TMEM117: variants seen among roughly 807,000 people sequenced by gnomAD.
TMEM117 encodes transmembrane protein 117.
In TMEM117, 27 loss-of-function variants were observed where a neutral mutation model predicts 52.4. That is an observed-to-expected ratio of 0.51 (90% CI 0.38 to 0.71). The LOEUF is 0.71. Among genes scored for constraint, TMEM117 ranks in the 30% least tolerant of loss-of-function variants. The pLI is 0.00. For synonymous variants in TMEM117, 215 were observed against 206.3 expected, an observed-to-expected ratio of 1.04 and a Z score of -0.36; for missense variants, 556 against 630.5, an observed-to-expected ratio of 0.88 and a Z score of 1.26.
At chr12:44,382,488 G>T (rs1013035130) in intron 7 of TMEM117, among the ~76,000 whole-genome samples, 1 of 152,074 alleles carries the variant, frequency 6.6e-6, no homozygotes, top group Non-Finnish European at 1.5e-5. Flanking sequence ...TTTACAAGTT[G>T]GTTAACAGAT....
intron 2 of TMEM117, among the ~76,000 whole-genome samples, chr12:43,864,903 G>A (rs1183719039): frequency 6.6e-6 from 1 of 152,066 alleles, no homozygotes; most frequent in Non-Finnish European, 1.5e-5. Context: ...TCACCACAAA[G>A]GTCTGCAGCT....
At chr12:43,848,468 T>C (rs1305919058) in intron 2 of TMEM117, among the ~76,000 whole-genome samples, 2 of 152,166 alleles carry the variant, frequency 1.3e-5, no homozygotes, top group African/African-American at 2.4e-5. Flanking sequence ...AGGAAAAGCA[T>C]TTAACGATAT....
At chr12:43,914,079 CAGG>C (rs140663710) in intron 2 of TMEM117, among the ~76,000 whole-genome samples, 124 of 152,210 alleles carry the variant, frequency 8.1e-4, no homozygotes, top group African/African-American at 2.2e-3. Flanking sequence ...CAAAGTATCA[CAGG>C]AGAAGTCTTT....
intron 3 of TMEM117, among the ~76,000 whole-genome samples, chr12:44,136,952 T>G (rs1486731640): frequency 6.6e-6 from 1 of 152,152 alleles, no homozygotes; most frequent in Non-Finnish European, 1.5e-5. Flanking sequence ...GTATTGCAAA[T>G]CCTTGTTTTT....
rs1944870035 is a variant in TMEM117 at position 43,931,490 on chromosome 12, T to C, written c.278-12720T>C. ...AAAGAAGAGCCCGGGAATGATACTG[T>C]TGATATAGTTAGTAACAATGATATC... is the stretch of plus-strand genomic sequence containing the variant. On this transcript the variant is annotated intron_variant, in intron 2 of 7. Transcript: ENST00000266534. 3.3e-5 allele frequency among the ~76,000 whole-genome samples: 5 copies of C among 152,328 alleles called. No individual in the cohort carries two copies. In the South Asian group the frequency reaches 1.0e-3, roughly 32 times the overall value.
intron 3 of TMEM117, among the ~76,000 whole-genome samples, chr12:44,047,189 T>C (rs1027131417): frequency 2.0e-5 from 3 of 152,166 alleles, no homozygotes; most frequent in African/African-American, 7.2e-5. Flanking sequence ...ACTAATATAG[T>C]TATATTAGAT....
intron 3 of TMEM117, among the ~76,000 whole-genome samples, chr12:44,045,997 G>A (rs764887793): frequency 5.3e-5 from 8 of 152,186 alleles, no homozygotes; most frequent in Admixed American, 1.3e-4. Context: ...ACTAGGTGAC[G>A]ATAATTTGCA....
intron 4 of TMEM117, among the ~76,000 whole-genome samples, chr12:44,174,619 A>T (rs557638067): frequency 1.3e-5 from 2 of 152,320 alleles, no homozygotes; most frequent in South Asian, 2.1e-4. Flanking sequence ...TCTTTTATTC[A>T]ACAAAAACAT....
chr12:44,300,657 T>G (rs1442717209), intron 6 of TMEM117, among the ~76,000 whole-genome samples: 1 of 152,230 alleles, frequency 6.6e-6, no homozygotes, highest in African/African-American at 2.4e-5. Context: ...TTAAATTTGT[T>G]AAATAATATA....
chr12:44,283,647 G>A (rs539990021), intron 5 of TMEM117, among the ~76,000 whole-genome samples: 66 of 152,212 alleles, frequency 4.3e-4, no homozygotes, highest in African/African-American at 1.5e-3. Context: ...GCTCATAGAC[G>A]GAAGGGACTT....
At chr12:43,808,227 ATC>A in the TMEM117 span, among the ~76,000 whole-genome samples, 1 of 152,210 alleles carries the variant, frequency 6.6e-6, no homozygotes, top group Non-Finnish European at 1.5e-5. Context: ...TCCAAATAAG[ATC>A]TCTCTGCTTG....
At chr12:43,802,516 G>A in the TMEM117 span, 5 of 1,331,210 alleles carry the variant, frequency 3.8e-6, no homozygotes, top group Non-Finnish European at 5.3e-6. Context: ...GATATCAAGT[G>A]GTAGTGTGAT....
chr12:43,803,832 C>T, the TMEM117 span, among the ~76,000 whole-genome samples: 6 of 151,932 alleles, frequency 3.9e-5, no homozygotes, highest in African/African-American at 1.2e-4. Context: ...TTTTCCAAAG[C>T]AAAATATTTT....
intron 3 of TMEM117, among the ~76,000 whole-genome samples, chr12:44,125,593 G>A (rs1250318648): frequency 1.3e-5 from 2 of 151,964 alleles, no homozygotes; most frequent in South Asian, 2.1e-4. Flanking sequence ...GTATTTATTT[G>A]AATCTTCTCT....
chr12:43,868,992 A>G (rs1176842417), intron 2 of TMEM117, among the ~76,000 whole-genome samples: 1 of 152,190 alleles, frequency 6.6e-6, no homozygotes, highest in African/African-American at 2.4e-5. Flanking sequence ...CAAATTACCA[A>G]TGTCAAGAAT....
intron 3 of TMEM117, among the ~76,000 whole-genome samples, chr12:44,018,874 C>T (rs1350122703): frequency 6.6e-6 from 1 of 152,034 alleles, no homozygotes; most frequent in East Asian, 1.9e-4. Flanking sequence ...CACACACCAC[C>T]ACACCTAGCT....
At chr12:44,201,153 A>C (rs753587021) in intron 4 of TMEM117, among the ~76,000 whole-genome samples, 2 of 152,204 alleles carry the variant, frequency 1.3e-5, no homozygotes, top group African/African-American at 2.4e-5. Flanking sequence ...AAGCAATGGC[A>C]TAAGAATTCA....
intron 3 of TMEM117, among the ~76,000 whole-genome samples, chr12:43,998,864 AAGAT>A (rs1946072742): frequency 1.3e-5 from 2 of 152,208 alleles, no homozygotes; most frequent in African/African-American, 2.4e-5. Context: ...AGTAAGAAAA[AAGAT>A]AGACATAGAA....
At chr12:44,343,707 A>ATGG (rs1951447214) in intron 6 of TMEM117, among the ~76,000 whole-genome samples, 1 of 152,142 alleles carries the variant, frequency 6.6e-6, no homozygotes, top group Admixed American at 6.5e-5. Flanking sequence ...AATGATTAAG[A>ATGG]TGGTAAATTG....
Sources: gnomAD v4.1 joint callset for allele counts (sites outside exome capture counted in the v4.1 genomes callset) on GRCh38, gnomAD v4.1.1 for gene constraint, MANE v1.5 for transcripts, NCBI Gene and HGNC (gene_info 2026-07-23, HGNC 2026-07-21) for gene names.